SLC16A12: variants seen among roughly 807,000 people sequenced by gnomAD.
SLC16A12 encodes the protein solute carrier family 16 member 12, also known as monocarboxylate transporter 12.
In SLC16A12, 17 loss-of-function variants were observed where a neutral mutation model predicts 42.4. The observed-to-expected ratio is 0.40, with a 90% CI of 0.27 to 0.60. The LOEUF (loss-of-function observed/expected upper bound fraction) is 0.60, where lower values mean the gene tolerates loss of function less well. Among genes scored for constraint, SLC16A12 ranks in the 20% least tolerant of loss-of-function variants. SLC16A12 has a pLI of 0.42. For missense variants in SLC16A12, 544 were observed against 623.0 expected (o/e 0.87, Z 1.35); for synonymous variants, 224 against 229.4 (o/e 0.98, Z 0.21).
intron 2 of SLC16A12, among the ~76,000 whole-genome samples, chr10:89,554,484 T>A (rs960664991): frequency 2.0e-5 from 3 of 152,220 alleles, no homozygotes; most frequent in African/African-American, 7.2e-5. Flanking sequence ...GTTGATCATG[T>A]TATTATCTTG....
chr10:89,459,699 G>T (rs1409038415), intron 3 of SLC16A12, among the ~76,000 whole-genome samples: 1 of 152,176 alleles, frequency 6.6e-6, no homozygotes, highest in Non-Finnish European at 1.5e-5. Flanking sequence ...CTAGCACTTG[G>T]AGAGGCTGAG....
chr10:89,479,155 G>C (rs550239148), intron 2 of SLC16A12, among the ~76,000 whole-genome samples: 1 of 152,306 alleles, frequency 6.6e-6, no homozygotes, highest in South Asian at 2.1e-4. Context: ...TGGGGACAAA[G>C]ACCTCCTTTT....
chr10:89,469,571 T>C (rs998616768), intron 2 of SLC16A12, among the ~76,000 whole-genome samples: 3 of 152,216 alleles, frequency 2.0e-5, no homozygotes, highest in Non-Finnish European at 2.9e-5. Context: ...GCCCCCAACA[T>C]TGGCTTTCCC....
intron 6 of SLC16A12, among the ~76,000 whole-genome samples, chr10:89,437,998 G>T (rs1428818142): frequency 6.6e-6 from 1 of 152,142 alleles, no homozygotes; most frequent in Non-Finnish European, 1.5e-5. Flanking sequence ...ACTGAATTCT[G>T]CTCCTTTTTC....
intron 2 of SLC16A12, among the ~76,000 whole-genome samples, chr10:89,549,616 TA>T (rs1217360275): frequency 6.6e-6 from 1 of 152,184 alleles, no homozygotes; most frequent in African/African-American, 2.4e-5. Flanking sequence ...TTTAAGTTTA[TA>T]AAAAGAAGCC....
At chr10:89,456,200 A>T (rs1048078159) in intron 3 of SLC16A12, 1 of 152,246 alleles carries the variant, frequency 6.6e-6, no homozygotes. Context: ...TATGAGGATT[A>T]AATGATTTAA....
In SLC16A12 at chr10:89,493,718, T is replaced by C. The variant is rs117960126; in HGVS notation, c.-46-31094A>G. Among the ~76,000 whole-genome samples the C allele has an allele frequency of 1.2e-4, 19 of 152,350 alleles. No homozygotes were observed. In the East Asian group the frequency reaches 3.5e-3, roughly 28 times the overall value. On this transcript the variant is annotated intron_variant, in intron 2 of 7. Transcript: ENST00000371790. ...CCTCGGATTGGCTCCCCTTTCCATATAGTTATACTACCAGTGTTTTACAGG... is the reference window on the plus strand; with the variant it reads ...CCTCGGATTGGCTCCCCTTTCCATACAGTTATACTACCAGTGTTTTACAGG...
rs1309894901 is a variant in SLC16A12, at chr10:89,462,391, C to T, written c.188G>A (p.Arg63Gln). 3 of 1,613,884 alleles carry T rather than the reference C, an allele frequency of 1.9e-6. No homozygotes were observed. Among genetic ancestry groups the T allele is most frequent in the Admixed American group, 1.7e-5 (1 of 59,982 alleles). Residue 63 changes from arginine to glutamine, a missense_variant, in exon 3 of 8, where the codon CGG becomes CAG. Transcript: ENST00000371790. ...AAATCCTACCTACCTTGTGACTGCC[C>T]GTGTGCAGATGGTAACAAGGAAACA... ...AGCFLVTICT[R>Q]AVTRCISIFF...
chr10:89,513,258 A>C (rs930210131), intron 2 of SLC16A12, among the ~76,000 whole-genome samples: 12 of 152,212 alleles, frequency 7.9e-5, no homozygotes, highest in Admixed American at 7.2e-4. Context: ...ATGTTAATAA[A>C]TGTACTCTGT....
At chr10:89,533,985 A>G (rs1204791489) in intron 2 of SLC16A12, among the ~76,000 whole-genome samples, 1 of 152,250 alleles carries the variant, frequency 6.6e-6, no homozygotes, top group Non-Finnish European at 1.5e-5. Flanking sequence ...TGTTGATTCC[A>G]TCACCAGTTA....
intron 2 of SLC16A12, among the ~76,000 whole-genome samples, chr10:89,542,718 T>A (rs192170936): frequency 6.6e-6 from 1 of 152,324 alleles, no homozygotes; most frequent in East Asian, 1.9e-4. Flanking sequence ...TTAGCCTCTC[T>A]CCCCGCCCAA....
chr10:89,532,837 G>A (rs1483616380), intron 2 of SLC16A12, among the ~76,000 whole-genome samples: 2 of 151,962 alleles, frequency 1.3e-5, no homozygotes, highest in African/African-American at 4.8e-5. Flanking sequence ...GGAAAGTGGG[G>A]GACAAAATGT....
At chr10:89,447,407 C>T (rs1192638416) in intron 3 of SLC16A12, among the ~76,000 whole-genome samples, 1 of 152,232 alleles carries the variant, frequency 6.6e-6, no homozygotes, top group Non-Finnish European at 1.5e-5. Flanking sequence ...AATAAACTCT[C>T]TCTCAGACTA....
At chr10:89,453,896 T>A (rs1358264371) in intron 3 of SLC16A12, among the ~76,000 whole-genome samples, 1 of 152,142 alleles carries the variant, frequency 6.6e-6, no homozygotes, top group Non-Finnish European at 1.5e-5. Flanking sequence ...CAAACATTGC[T>A]AAATGCACCC....
intron 2 of SLC16A12, among the ~76,000 whole-genome samples, chr10:89,486,618 A>G (rs1398008210): frequency 7.9e-5 from 9 of 113,732 alleles, no homozygotes; most frequent in Admixed American, 2.4e-4. Context: ...AAAGAAAGAA[A>G]GAAAGAAAGA....
At chr10:89,497,191 G>A (rs1389997140) in intron 2 of SLC16A12, among the ~76,000 whole-genome samples, 2 of 152,174 alleles carry the variant, frequency 1.3e-5, no homozygotes, top group Non-Finnish European at 2.9e-5. Flanking sequence ...GAGTATACGG[G>A]AACTCTGTAC....
At chr10:89,437,316 G>T (rs1393613658) in intron 6 of SLC16A12, among the ~76,000 whole-genome samples, 2 of 152,178 alleles carry the variant, frequency 1.3e-5, no homozygotes, top group African/African-American at 4.8e-5. Context: ...TAATTTCAAA[G>T]AATCTGTATA....
chr10:89,475,466 GA>G (rs1211547868), intron 2 of SLC16A12, among the ~76,000 whole-genome samples: 1 of 152,154 alleles, frequency 6.6e-6, no homozygotes, highest in Non-Finnish European at 1.5e-5. Context: ...CCTTCAACTG[GA>G]AATTGATTTA....
intron 2 of SLC16A12, among the ~76,000 whole-genome samples, chr10:89,527,509 AT>A (rs1051733434): frequency 1.3e-5 from 2 of 151,794 alleles, no homozygotes; most frequent in Non-Finnish European, 2.9e-5. Flanking sequence ...AACTAAAAAA[AT>A]AAGGGGCTGG....
Sources: allele counts gnomAD v4.1 joint callset (sites outside exome capture counted in the v4.1 genomes callset), GRCh38; gene constraint gnomAD v4.1.1; transcripts MANE v1.5; gene names NCBI Gene and HGNC (gene_info 2026-07-23, HGNC 2026-07-21).